IQSEC1: variants seen among roughly 807,000 people sequenced by gnomAD.
The protein encoded by IQSEC1 is IQ motif and Sec7 domain ArfGEF 1.
A neutral mutation model predicts 91.0 loss-of-function variants in IQSEC1; 31 were observed. That is an observed-to-expected ratio of 0.34 (90% CI 0.26 to 0.46). The LOEUF is 0.46. Ranked by LOEUF, IQSEC1 falls within the 20% of genes least tolerant of loss-of-function variation. The pLI is 1.00. For missense variants in IQSEC1, 1,388 were observed against 1,575.6 expected (o/e 0.88, Z 2.02); for synonymous variants, 699 against 662.6 (o/e 1.05, Z -0.84).
intron 1 of IQSEC1, among the ~76,000 whole-genome samples, chr3:12,990,204 G>T (rs1294298645): frequency 6.6e-6 from 1 of 152,150 alleles, no homozygotes; most frequent in Non-Finnish European, 1.5e-5. Context: ...ATAAATCATT[G>T]GCTGTGGGAG....
intron 1 of IQSEC1, among the ~76,000 whole-genome samples, chr3:13,228,387 C>T (rs952259637): frequency 2.6e-5 from 4 of 152,128 alleles, no homozygotes; most frequent in Admixed American, 2.6e-4. Context: ...CAAGTCACTT[C>T]CCTCCCAGAG....
At position 13,193,773 on chromosome 3, in the gene IQSEC1, G is replaced by A. The variant is rs1001518792; in HGVS notation, c.273-29640C>T. Among the ~76,000 whole-genome samples the A allele has an allele frequency of 2.0e-5, 3 of 152,034 alleles. No individual in the cohort carries two copies. Among genetic ancestry groups the A allele is most frequent in the Non-Finnish European group, 4.4e-5 (3 of 67,992 alleles). ...TGCTGGACGCTGTCCCACTTCCCCC[G>A]GCCCCACACCCTCCTGCCTGCACCT... is the stretch of plus-strand genomic sequence containing the variant. On this transcript the variant is annotated intron_variant, in intron 1 of 15. Transcript: ENST00000648114. The surrounding 1 kb of genome is among the most constrained non-coding windows in gnomAD (Gnocchi z 4.2).
At chr3:12,929,637 CTCCG>C (rs1319012849) in intron 3 of IQSEC1, among the ~76,000 whole-genome samples, 2 of 152,218 alleles carry the variant, frequency 1.3e-5, no homozygotes, top group East Asian at 1.9e-4. Flanking sequence ...TGAAAATCCA[CTCCG>C]TCCAACTCTG....
chr3:12,921,843 A>C (rs946438295), intron 5 of IQSEC1, among the ~76,000 whole-genome samples: 2 of 152,196 alleles, frequency 1.3e-5, no homozygotes, highest in African/African-American at 4.8e-5. Flanking sequence ...TAGCAGTCGC[A>C]ATCATAACCT....
chr3:13,231,786 A>G (rs4684125), intron 1 of IQSEC1, among the ~76,000 whole-genome samples: 102,586 of 152,228 alleles, frequency 0.67, 36,202 homozygotes, highest in African/African-American at 0.88. Context: ...CAAGAGCACA[A>G]CGGGTCTCTA....
intron 1 of IQSEC1, among the ~76,000 whole-genome samples, chr3:13,188,948 T>G (rs1351799702): frequency 6.6e-6 from 1 of 152,054 alleles, no homozygotes; most frequent in Non-Finnish European, 1.5e-5. Context: ...TTGGGATTGT[T>G]TCCACTCACT....
chr3:13,153,870 C>T (rs938533238), intron 2 of IQSEC1, among the ~76,000 whole-genome samples: 3 of 152,156 alleles, frequency 2.0e-5, no homozygotes, highest in Admixed American at 1.3e-4. Context: ...GGTATTCAGG[C>T]TCCCCAGAGA....
chr3:12,899,595 G>GA lies in IQSEC1; in HGVS notation c.*1387_*1388insT, dbSNP rs1694015864. On this transcript the variant is annotated 3_prime_UTR_variant, in exon 14 of 14. Coordinates refer to ENST00000613206, the MANE Select transcript of IQSEC1 (RefSeq NM_001134382.3). ...ACTGGACCATGGGAAGGCAGCGGGG[G>GA]CTCCGCCGGGCACTCGTCGGCTGGG... 4 of 985,178 alleles carry GA rather than the reference G, an allele frequency of 4.1e-6. No homozygotes were observed. The Admixed American group carries it at 2.5e-4, about 61-fold the overall frequency. 61.0% of individuals were successfully genotyped at this position (985,178 alleles called of 1,614,324 possible). A position where few individuals can be genotyped will look rare whatever the true frequency, so the allele number is the denominator to read the frequency against.
At chr3:13,119,786 T>C (rs1047925820) in intron 2 of IQSEC1, among the ~76,000 whole-genome samples, 23 of 151,734 alleles carry the variant, frequency 1.5e-4, no homozygotes, top group Admixed American at 4.6e-4. Context: ...GGCAGGAGAG[T>C]GTGGATCTGG....
rs1698109200 is a variant in IQSEC1, at chr3:12,935,720, G to A, written c.1296C>T (p.Asp432=). The change falls in exon 3 of 14, where the codon GAC becomes GAT. Residue 432 remains aspartate, a synonymous_variant. Coordinates refer to ENST00000613206, the MANE Select transcript of IQSEC1 (RefSeq NM_001134382.3). This position sits in a 1 kb window ranked among gnomAD's most constrained non-coding sequence, Gnocchi z 8.0. ...ELRPRPPRPL[D]SHLAINGSAN... ...CTGAGCCATTGATGGCCAAGTGGCT[G>A]TCCAGGGGCCTGGGGGGCCGGGGCC... The A allele has an allele frequency of 6.2e-7, 1 of 1,612,854 alleles. No individual in the cohort carries two copies. Among genetic ancestry groups the A allele is most frequent in the Non-Finnish European group, 8.5e-7 (1 of 1,179,978 alleles).
chr3:12,933,857 C>T (rs1697927277), intron 3 of IQSEC1, among the ~76,000 whole-genome samples: 1 of 152,250 alleles, frequency 6.6e-6, no homozygotes, highest in South Asian at 2.1e-4. Context: ...TCACGTGCTA[C>T]ACAGATAATT....
At chr3:13,019,389 G>GATTCC (rs1703296470) in intron 1 of IQSEC1, among the ~76,000 whole-genome samples, 1 of 152,242 alleles carries the variant, frequency 6.6e-6, no homozygotes, top group Non-Finnish European at 1.5e-5. Flanking sequence ...AGGGGCAACA[G>GATTCC]GCTCACTCGG....
chr3:12,915,648 C>G lies in IQSEC1; in HGVS notation c.2106G>C (p.Glu702Asp), dbSNP rs947303351. Residue 702 changes from glutamate to aspartate, a missense_variant, in exon 7 of 14, where the codon GAG (glutamate) becomes GAC (aspartate). Around this residue, in one of 2 missense-constraint regions of IQSEC1, gnomAD observed 1,059 missense variants for 1,317.8 expected, o/e 0.80. Coordinates refer to ENST00000613206, the MANE Select transcript of IQSEC1 (RefSeq NM_001134382.3). ...RIRKRELKTN[E>D]DHVSQVQKVE... The stretch of plus-strand genomic sequence containing the variant: ...CCTTCTGCACCTGGGACACATGGTC[C>G]TCATTGGTCTTTAGCTCTCGCTTAC... The G allele has an allele frequency of 1.2e-6, 2 of 1,614,034 alleles. No individual in the cohort carries two copies. The highest frequency in any genetic ancestry group is 2.7e-5 in the African/African-American group (2 of 74,924).
intron 1 of IQSEC1, among the ~76,000 whole-genome samples, chr3:13,275,375 T>C (rs1183473498): frequency 6.6e-6 from 1 of 152,202 alleles, no homozygotes; most frequent in Non-Finnish European, 1.5e-5. Context: ...GGGCCAGTCT[T>C]GTCCACCAGC....
At chr3:13,017,213 T>G (rs1474695370) in intron 1 of IQSEC1, among the ~76,000 whole-genome samples, 2 of 152,216 alleles carry the variant, frequency 1.3e-5, no homozygotes, top group Non-Finnish European at 2.9e-5. Context: ...CTCCCTGTTT[T>G]ATTTTCTTGG....
At chr3:12,934,893 T>C (rs1296374067) in intron 3 of IQSEC1, among the ~76,000 whole-genome samples, 1 of 151,782 alleles carries the variant, frequency 6.6e-6, no homozygotes, top group African/African-American at 2.4e-5. Flanking sequence ...TGCATCTGTC[T>C]GAGTTCCTTC....
At chr3:12,977,025 C>G (rs1701212840) in intron 1 of IQSEC1, among the ~76,000 whole-genome samples, 1 of 152,122 alleles carries the variant, frequency 6.6e-6, no homozygotes. Flanking sequence ...AACCCATCAG[C>G]TAAAGATTTT....
chr3:12,946,526 G>A (rs377620825), intron 1 of IQSEC1, among the ~76,000 whole-genome samples: 3 of 152,310 alleles, frequency 2.0e-5, no homozygotes, highest in South Asian at 4.1e-4. Context: ...CAGTACATAC[G>A]AGGATGTCCA....
intron 1 of IQSEC1, among the ~76,000 whole-genome samples, chr3:13,179,779 G>T (rs929483951): frequency 6.6e-6 from 1 of 152,240 alleles, no homozygotes; most frequent in African/African-American, 2.4e-5. Context: ...GGGAACCGGG[G>T]CTATGCACGG....
Sources: gnomAD v4.1 joint callset for allele counts (sites outside exome capture counted in the v4.1 genomes callset) on GRCh38, gnomAD v4.1.1 for gene constraint, gnomAD v4.1.1 regional missense constraint, Gnocchi (gnomAD v3.1) non-coding constraint, MANE v1.5 for transcripts, NCBI Gene and HGNC (gene_info 2026-07-23, HGNC 2026-07-21) for gene names.